KSR2: variants seen among roughly 807,000 people sequenced by gnomAD.
KSR2 encodes the protein kinase suppressor of ras 2.
Under a neutral mutation model 107.8 loss-of-function variants are expected in KSR2, and 25 were observed. That is an observed-to-expected ratio of 0.23 (90% CI 0.17 to 0.32). The LOEUF (loss-of-function observed/expected upper bound fraction) is 0.32. Among genes scored for constraint, KSR2 ranks in the 10% least tolerant of loss-of-function variants. The probability of loss-of-function intolerance (pLI) is 1.00; values close to 1 mark genes in which losing one functional copy is unlikely to be tolerated. For missense variants in KSR2, 887 were observed against 1,268.9 expected (o/e 0.70, Z 4.57); for synonymous variants, 480 against 507.0 (o/e 0.95, Z 0.71).
intron 9 of KSR2, among the ~76,000 whole-genome samples, chr12:117,540,999 A>G (rs532038932): frequency 2.0e-4 from 31 of 152,384 alleles, no homozygotes; most frequent in African/African-American, 7.2e-4. Context: ...AAAATGCCCA[A>G]CCTTTCCATT....
In KSR2 at chr12:117,944,730, C is replaced by T. The variant is rs541718864; in HGVS notation, c.180+23346G>A. On this transcript the variant is annotated intron_variant, in intron 1 of 19. Coordinates refer to ENST00000339824, the MANE Select transcript of KSR2 (RefSeq NM_173598.6). ...AAAATTAGCCGAGGGTGGTAGCACA[C>T]GCCCGTAGTCCCAGCTACTCAGAAG... Among the ~76,000 whole-genome samples, 165 of 151,868 alleles carry T rather than the reference C, an allele frequency of 1.1e-3. 1 individual carries two copies. Among genetic ancestry groups the T allele is most frequent in the Non-Finnish European group, 2.2e-3 (152 of 67,998 alleles).
intron 5 of KSR2, among the ~76,000 whole-genome samples, chr12:117,665,245 G>A (rs1357860890): frequency 9.2e-5 from 14 of 152,248 alleles, no homozygotes; most frequent in Non-Finnish European, 1.3e-4. Flanking sequence ...AAGCAGAAAC[G>A]CTTTTCCTCT....
chr12:117,817,288 A>G (rs1243091067), intron 3 of KSR2, among the ~76,000 whole-genome samples: 1 of 152,114 alleles, frequency 6.6e-6, no homozygotes, highest in Non-Finnish European at 1.5e-5. Context: ...GAATTTCAAA[A>G]CCATTCTAGC....
At chr12:117,815,644 G>A (rs1891339910) in intron 3 of KSR2, among the ~76,000 whole-genome samples, 1 of 152,086 alleles carries the variant, frequency 6.6e-6, no homozygotes, top group African/African-American at 2.4e-5. Context: ...AAAAAAGTAA[G>A]TACTATGAAA....
chr12:117,566,011 T>C (rs1177434181), intron 7 of KSR2, among the ~76,000 whole-genome samples: 1 of 152,230 alleles, frequency 6.6e-6, no homozygotes, highest in Non-Finnish European at 1.5e-5. Flanking sequence ...GTTTGTTACA[T>C]AGGTAAACTC....
chr12:117,627,014 T>G (rs1038634435), intron 5 of KSR2, among the ~76,000 whole-genome samples: 12 of 150,050 alleles, frequency 8.0e-5, no homozygotes, highest in African/African-American at 3.0e-4. Flanking sequence ...AAACCAGGAT[T>G]GCAACCCCTG....
At chr12:117,563,855 T>C (rs1878283495) in intron 7 of KSR2, among the ~76,000 whole-genome samples, 1 of 152,236 alleles carries the variant, frequency 6.6e-6, no homozygotes, top group East Asian at 1.9e-4. Flanking sequence ...CACCTGCTCT[T>C]TGATGCACCC....
At chr12:117,801,363 A>G (rs1300054685) in intron 3 of KSR2, among the ~76,000 whole-genome samples, 1 of 151,368 alleles carries the variant, frequency 6.6e-6, no homozygotes, top group Non-Finnish European at 1.5e-5. Flanking sequence ...TGTTGGCCTC[A>G]AGTGATCCAC....
chr12:117,538,933 G>A (rs887547843), intron 10 of KSR2, among the ~76,000 whole-genome samples: 25 of 152,052 alleles, frequency 1.6e-4, no homozygotes, highest in Non-Finnish European at 3.5e-4. Context: ...GGCCAGGCTG[G>A]ACCCTGGAAG....
At chr12:117,934,804 GTCT>G (rs919280879) in intron 1 of KSR2, among the ~76,000 whole-genome samples, 4 of 151,950 alleles carry the variant, frequency 2.6e-5, no homozygotes, top group African/African-American at 9.7e-5. Context: ...AGCCACAGTC[GTCT>G]TCTTCTTCTA....
chr12:117,833,517 C>T (rs1892064949), intron 3 of KSR2, among the ~76,000 whole-genome samples: 1 of 152,112 alleles, frequency 6.6e-6, no homozygotes, highest in Non-Finnish European at 1.5e-5. Flanking sequence ...CACACACGAC[C>T]AAGCCCAGCT....
At chr12:117,553,116 C>T (rs1276898165) in intron 9 of KSR2, among the ~76,000 whole-genome samples, 18 of 152,350 alleles carry the variant, frequency 1.2e-4, no homozygotes, top group Non-Finnish European at 1.5e-5. Flanking sequence ...AAGTTACTTG[C>T]TCAGTCTCAC....
intron 5 of KSR2, among the ~76,000 whole-genome samples, chr12:117,611,883 T>G (rs370243267): frequency 4.4e-4 from 67 of 152,322 alleles, no homozygotes; most frequent in African/African-American, 1.5e-3. Context: ...AAATATTGTA[T>G]GATTCCACTC....
At chr12:117,696,521 G>T (rs1021465536) in intron 4 of KSR2, among the ~76,000 whole-genome samples, 16 of 151,804 alleles carry the variant, frequency 1.1e-4, no homozygotes, top group African/African-American at 3.1e-4. Flanking sequence ...TGGTCGGGGG[G>T]AGTATCATGG....
intron 1 of KSR2, among the ~76,000 whole-genome samples, chr12:117,929,405 ATTC>A (rs1193805664): frequency 1.3e-5 from 2 of 152,184 alleles, no homozygotes; most frequent in East Asian, 3.9e-4. Flanking sequence ...TTCGGCTCTT[ATTC>A]TTCTCTTGTC....
At chr12:117,511,142 A>C (rs1307644726) in intron 14 of KSR2, among the ~76,000 whole-genome samples, 1 of 152,212 alleles carries the variant, frequency 6.6e-6, no homozygotes, top group Non-Finnish European at 1.5e-5. Context: ...TCAATTACTC[A>C]AGACCCAGAA....
At chr12:117,812,333 GGGCTA>G (rs1237326703) in intron 3 of KSR2, among the ~76,000 whole-genome samples, 1 of 152,046 alleles carries the variant, frequency 6.6e-6, no homozygotes, top group African/African-American at 2.4e-5. Flanking sequence ...TGGATATACT[GGGCTA>G]AAAAAACCAT....
At chr12:117,967,956 AC>A (rs1896845689) in intron 1 of KSR2, 119 bp downstream of exon 1, 4 of 889,284 alleles carry the variant, frequency 4.5e-6, no homozygotes, top group East Asian at 5.1e-5. Flanking sequence ...CCACACCACC[AC>A]CCCCAGCCCC....
intron 4 of KSR2, among the ~76,000 whole-genome samples, chr12:117,723,835 T>C (rs1250751541): frequency 6.6e-6 from 1 of 152,196 alleles, no homozygotes; most frequent in Non-Finnish European, 1.5e-5. Flanking sequence ...ACGGGATTTT[T>C]GAAGTTATGC....
Sources: allele counts gnomAD v4.1 joint callset (sites outside exome capture counted in the v4.1 genomes callset), GRCh38; gene constraint gnomAD v4.1.1; transcripts MANE v1.5; gene names NCBI Gene and HGNC (gene_info 2026-07-23, HGNC 2026-07-21).